The following TAFA5 variants were observed in gnomAD, a reference collection of about 807,000 sequenced individuals.
TAFA5 encodes the protein TAFA chemokine like family member 5.
Under a neutral mutation model 15.3 loss-of-function variants are expected in TAFA5, and 6 were observed. The ratio of observed to expected loss-of-function variants is 0.39; its 90% confidence interval spans 0.21 to 0.77. The LOEUF (loss-of-function observed/expected upper bound fraction) is 0.77. Ranked by LOEUF, TAFA5 falls within the 30% of genes least tolerant of loss-of-function variation. TAFA5 has a pLI of 0.41. For synonymous variants in TAFA5, 103 were observed against 80.7 expected (o/e 1.28, Z -1.48); for missense variants, 161 against 193.1 (o/e 0.83, Z 0.98).
intron 2 of TAFA5, among the ~76,000 whole-genome samples, chr22:48,681,248 T>TC (rs941338777): frequency 3.3e-5 from 5 of 151,792 alleles, no homozygotes; most frequent in African/African-American, 1.2e-4. Flanking sequence ...GAACCGAGTT[T>TC]CCCCCCAATT....
chr22:48,645,934 G>C (rs972454921), intron 1 of TAFA5, among the ~76,000 whole-genome samples: 12 of 152,012 alleles, frequency 7.9e-5, no homozygotes, highest in African/African-American at 2.4e-4. Context: ...ATGTGTGCCT[G>C]TTTGCACACA....
intron 1 of TAFA5, among the ~76,000 whole-genome samples, chr22:48,531,851 C>A (rs1921985050): frequency 6.6e-6 from 1 of 152,140 alleles, no homozygotes; most frequent in Non-Finnish European, 1.5e-5. Context: ...CCCCCCAACT[C>A]CCCCGGAAGG....
At chr22:48,575,392 G>T (rs922900718) in intron 1 of TAFA5, among the ~76,000 whole-genome samples, 1 of 148,062 alleles carries the variant, frequency 6.8e-6, no homozygotes, top group Non-Finnish European at 1.5e-5. Context: ...GAGCGCAGAC[G>T]GCGGCGGGCG....
chr22:48,705,520 A>G (rs1427540051), intron 2 of TAFA5, among the ~76,000 whole-genome samples: 1 of 152,166 alleles, frequency 6.6e-6, no homozygotes, highest in Non-Finnish European at 1.5e-5. Flanking sequence ...GTGAGGAGTG[A>G]GCTGTTCCCC....
intron 1 of TAFA5, among the ~76,000 whole-genome samples, chr22:48,612,643 C>G (rs1269654300): frequency 6.6e-6 from 1 of 152,134 alleles, no homozygotes; most frequent in Non-Finnish European, 1.5e-5. Context: ...GTCTCCCTTT[C>G]CCGGAGTGTC....
intron 1 of TAFA5, among the ~76,000 whole-genome samples, chr22:48,623,110 G>A (rs949152318): frequency 1.3e-5 from 2 of 152,238 alleles, no homozygotes; most frequent in Non-Finnish European, 2.9e-5. Context: ...GGGTGGCGGC[G>A]GTGAGCACAA....
intron 1 of TAFA5, among the ~76,000 whole-genome samples, chr22:48,508,701 G>C (rs1601840114): frequency 6.6e-6 from 1 of 152,300 alleles, no homozygotes; most frequent in Non-Finnish European, 1.5e-5. Context: ...TAAAATAATG[G>C]TACATATTTA....
At position 48,612,830 on chromosome 22, in the gene TAFA5, C is replaced by G. The variant is rs545166459; in HGVS notation, c.113-33767C>G. Among the ~76,000 whole-genome samples the G allele has an allele frequency of 1.1e-4, 16 of 152,290 alleles. 1 individual carries two copies. In the East Asian group the frequency reaches 1.2e-3, roughly 11 times the overall value. On this transcript the variant is annotated intron_variant, in intron 1 of 3. Transcript: ENST00000402357. The stretch of plus-strand genomic sequence containing the variant: ...CCATGTGTCCCTCTTCTGTGCACAG[C>G]AGGGTCCCTTGAGAGGGGGTTTCTG...
chr22:48,572,894 G>C (rs1923638224), intron 1 of TAFA5, among the ~76,000 whole-genome samples: 1 of 152,220 alleles, frequency 6.6e-6, no homozygotes, highest in African/African-American at 2.4e-5. Context: ...TTTTGTTGGT[G>C]ACAAAGTCAT....
intron 1 of TAFA5, among the ~76,000 whole-genome samples, chr22:48,561,682 G>A (rs16999467): frequency 0.1 from 15,478 of 152,256 alleles, 834 homozygotes; most frequent in Middle Eastern, 0.16. Flanking sequence ...GGAGATCCGC[G>A]ATGCCCATTG....
chr22:48,742,007 G>A lies in TAFA5; in HGVS notation c.391-7832G>A, dbSNP rs563374297. 6.6e-6 allele frequency among the ~76,000 whole-genome samples: 1 copy of A among 152,352 alleles called. No individual in the cohort carries two copies. Among genetic ancestry groups the A allele is most frequent in the African/African-American group, 2.4e-5 (1 of 41,588 alleles). ...AACAGTTTTTTGTTAAGAACCCCAT[G>A]GTTGGGGGTAAACACTGTTCCTATC... On this transcript the variant is annotated intron_variant, in intron 3 of 3. Transcript: ENST00000402357. This position sits in a 1 kb window ranked among gnomAD's most constrained non-coding sequence, Gnocchi z 6.2.
At chr22:48,498,866 C>T (rs1265736587) in intron 1 of TAFA5, among the ~76,000 whole-genome samples, 1 of 152,058 alleles carries the variant, frequency 6.6e-6, no homozygotes, top group Non-Finnish European at 1.5e-5. Flanking sequence ...CACACTTGTG[C>T]TGGTATTTCC....
intron 1 of TAFA5, among the ~76,000 whole-genome samples, chr22:48,496,201 G>A (rs572280449): frequency 6.4e-4 from 97 of 152,288 alleles, no homozygotes; most frequent in African/African-American, 2.2e-3. Flanking sequence ...GGCCACTGTC[G>A]GGGTCACTTT....
chr22:48,697,328 A>G (rs933393554), intron 2 of TAFA5, among the ~76,000 whole-genome samples: 1 of 151,668 alleles, frequency 6.6e-6, no homozygotes, highest in African/African-American at 2.4e-5. Flanking sequence ...GATGGTGGTT[A>G]TGGTGACAGT....
At chr22:48,657,124 T>A (rs1180257148) in intron 2 of TAFA5, among the ~76,000 whole-genome samples, 1 of 151,940 alleles carries the variant, frequency 6.6e-6, no homozygotes, top group Non-Finnish European at 1.5e-5. Flanking sequence ...GCTAGGCTGA[T>A]ATGAGGGAGT....
At position 48,635,514 on chromosome 22, in the gene TAFA5, C is replaced by T. The variant is rs138244089; in HGVS notation, c.113-11083C>T. ...CCGTGAGGGTGTCTGTCTTCCCAGG[C>T]GTCACTGCGCAGCGCATTTCAGGGG... On this transcript the variant is annotated intron_variant, in intron 1 of 3. Coordinates refer to ENST00000402357, the MANE Select transcript of TAFA5 (RefSeq NM_001082967.3). 2.4e-3 allele frequency among the ~76,000 whole-genome samples: 360 copies of T among 152,380 alleles called. 2 individuals are homozygous for T. The highest frequency in any genetic ancestry group is 8.1e-3 in the African/African-American group (337 of 41,590).
intron 1 of TAFA5, among the ~76,000 whole-genome samples, chr22:48,643,369 C>T (rs999433920): frequency 2.0e-5 from 3 of 152,192 alleles, no homozygotes; most frequent in Admixed American, 6.5e-5. Flanking sequence ...AGCACCGTCT[C>T]GTCCATGGAG....
In TAFA5 at chr22:48,693,304, A is replaced by G. The variant is rs1928599923; in HGVS notation, c.263-14413A>G. On this transcript the variant is annotated intron_variant, in intron 2 of 3. Coordinates refer to ENST00000402357, the MANE Select transcript of TAFA5 (RefSeq NM_001082967.3). ...AATTCTGCTCCCAGAAATTTGCCCT[A>G]AGAGAGTAATTGAAAGGAAGAGGGA... 1.3e-5 allele frequency: 21 copies of G among 1,607,536 alleles called. No individual in the cohort carries two copies. The South Asian group carries it at 1.9e-4, about 14-fold the overall frequency.
At chr22:48,531,158 C>A (rs1238063397) in intron 1 of TAFA5, among the ~76,000 whole-genome samples, 1 of 152,190 alleles carries the variant, frequency 6.6e-6, no homozygotes, top group Non-Finnish European at 1.5e-5. Context: ...GCATGGGGAA[C>A]CTTCTGCTTT....
Sources: gnomAD v4.1 joint callset for allele counts (sites outside exome capture counted in the v4.1 genomes callset) on GRCh38, gnomAD v4.1.1 for gene constraint, Gnocchi (gnomAD v3.1) non-coding constraint, MANE v1.5 for transcripts, NCBI Gene and HGNC (gene_info 2026-07-23, HGNC 2026-07-21) for gene names.